ULK4: variants seen among roughly 807,000 people sequenced by gnomAD.
ULK4 encodes the protein unc-51 like kinase 4, also known as inactive serine/threonine-protein kinase ULK4.
In ULK4, 133 loss-of-function variants were observed where a neutral mutation model predicts 160.6. The ratio of observed to expected loss-of-function variants is 0.83; its 90% CI spans 0.72 to 0.96. The LOEUF is 0.96. ULK4 is among the 40% of genes least tolerant of loss of function. The probability of loss-of-function intolerance (pLI) is 0.00; values close to 1 mark genes in which losing one functional copy is unlikely to be tolerated. For synonymous variants in ULK4, 534 were observed against 539.8 expected (o/e 0.99, Z 0.15); for missense variants, 1,580 against 1,499.5 (o/e 1.05, Z -0.89).
chr3:41,940,049 T>C (rs1477026057), intron 2 of ULK4, among the ~76,000 whole-genome samples: 4 of 151,768 alleles, frequency 2.6e-5, no homozygotes, highest in Admixed American at 2.6e-4. Context: ...TTAATAAACA[T>C]AGAAATTGAC....
intron 34 of ULK4, among the ~76,000 whole-genome samples, chr3:41,411,437 T>G (rs1263735789): frequency 1.3e-5 from 2 of 151,620 alleles, no homozygotes; most frequent in Admixed American, 1.3e-4. Flanking sequence ...TTTTTTTTAT[T>G]TTTATTTTGA....
chr3:41,283,036 C>G (rs981948417), intron 35 of ULK4, among the ~76,000 whole-genome samples: 7 of 152,136 alleles, frequency 4.6e-5, no homozygotes, highest in African/African-American at 1.7e-4. Context: ...CCAACAGACA[C>G]ATGAAAAAAT....
intron 17 of ULK4, among the ~76,000 whole-genome samples, chr3:41,856,622 T>C (rs1406167404): frequency 2.4e-5 from 3 of 124,306 alleles, no homozygotes; most frequent in African/African-American, 3.5e-5. Context: ...TATACACATA[T>C]ATATATATGT....
At chr3:41,888,908 A>AC (rs1167855410) in intron 16 of ULK4, among the ~76,000 whole-genome samples, 2 of 152,162 alleles carry the variant, frequency 1.3e-5, no homozygotes, top group African/African-American at 4.8e-5. Context: ...GGCCCCACCT[A>AC]CCCACATACC....
rs80270625 is a variant in ULK4, at chr3:41,391,070, A to G, written c.3678+7009T>C. On this transcript the variant is annotated intron_variant, in intron 35 of 36. Transcript: ENST00000301831. Reference sequence around the variant, plus strand: ...ATGCAATGTTTATCTTTCTGTGCCTAGCTTATTTCATTTAACATATTTATC... The same window carrying G: ...ATGCAATGTTTATCTTTCTGTGCCTGGCTTATTTCATTTAACATATTTATC... Among the ~76,000 whole-genome samples the G allele has an allele frequency of 6.7e-3, 1,016 of 152,128 alleles. 4 individuals are homozygous for G. The highest frequency in any genetic ancestry group is 0.015 in the East Asian group (78 of 5,174).
intron 32 of ULK4, among the ~76,000 whole-genome samples, chr3:41,465,208 T>C (rs1256218540): frequency 6.6e-6 from 1 of 152,232 alleles, no homozygotes; most frequent in Non-Finnish European, 1.5e-5. Flanking sequence ...TCAAAATGCA[T>C]GTTTTTCATG....
chr3:41,841,875 A>G (rs1037002850), intron 17 of ULK4, among the ~76,000 whole-genome samples: 24 of 152,082 alleles, frequency 1.6e-4, no homozygotes, highest in Non-Finnish European at 3.2e-4. Context: ...TGCTGTGTCA[A>G]CTCAGGGTTA....
At chr3:41,746,654 A>G (rs766862102) in intron 22 of ULK4, among the ~76,000 whole-genome samples, 55 of 151,912 alleles carry the variant, frequency 3.6e-4, no homozygotes, top group Non-Finnish European at 6.3e-4. Flanking sequence ...TATATGGAAA[A>G]GCATATAGGT....
At chr3:41,884,252 A>G (rs1697636023) in intron 16 of ULK4, among the ~76,000 whole-genome samples, 1 of 152,232 alleles carries the variant, frequency 6.6e-6, no homozygotes. Flanking sequence ...TAACCAGAGA[A>G]AAGAGCAAAA....
chr3:41,819,281 G>T, intron 19 of ULK4, 142 bp downstream of exon 19: 1 of 658,100 alleles, frequency 1.5e-6, no homozygotes, highest in Non-Finnish European at 2.4e-6. Flanking sequence ...ACTTGCTCAT[G>T]GTAGGTTGTC....
chr3:41,460,854 C>T (rs1291328103), intron 33 of ULK4, among the ~76,000 whole-genome samples: 1 of 152,050 alleles, frequency 6.6e-6, no homozygotes, highest in African/African-American at 2.4e-5. Context: ...AGAGTGGTGA[C>T]CACATCTACT....
At chr3:41,922,963 G>A (rs1699245100) in intron 5 of ULK4, among the ~76,000 whole-genome samples, 2 of 152,016 alleles carry the variant, frequency 1.3e-5, no homozygotes, top group South Asian at 2.1e-4. Flanking sequence ...CCCAAGGTCA[G>A]GAGTTCGAGA....
At chr3:41,547,635 C>G (rs971052556) in intron 32 of ULK4, among the ~76,000 whole-genome samples, 9 of 152,196 alleles carry the variant, frequency 5.9e-5, no homozygotes, top group African/African-American at 2.2e-4. Flanking sequence ...CCCACGCATT[C>G]TCCCAAGACC....
chr3:41,588,484 A>T (rs1035025204), intron 31 of ULK4, among the ~76,000 whole-genome samples: 1 of 152,222 alleles, frequency 6.6e-6, no homozygotes, highest in Admixed American at 6.5e-5. Flanking sequence ...ACTTTTATCT[A>T]TGGGCAAACT....
chr3:41,952,953 G>A (rs1700337380), intron 2 of ULK4, among the ~76,000 whole-genome samples: 2 of 151,974 alleles, frequency 1.3e-5, no homozygotes, highest in African/African-American at 4.8e-5. Flanking sequence ...AAATAAGCCA[G>A]ACAAAAAATG....
chr3:41,255,438 G>A (rs1228252819), intron 35 of ULK4, among the ~76,000 whole-genome samples: 3 of 152,108 alleles, frequency 2.0e-5, no homozygotes. Flanking sequence ...AGCTGAGATC[G>A]TGCCATTGCA....
chr3:41,758,828 G>A (rs1366876711), intron 21 of ULK4, among the ~76,000 whole-genome samples: 2 of 150,740 alleles, frequency 1.3e-5, no homozygotes, highest in African/African-American at 2.4e-5. Context: ...AGCCAAGATC[G>A]CGCCACTGCA....
chr3:41,661,970 G>A (rs949743588), intron 30 of ULK4, among the ~76,000 whole-genome samples: 3 of 152,100 alleles, frequency 2.0e-5, no homozygotes, highest in East Asian at 3.9e-4. Context: ...TCTAGAAAAC[G>A]TGACATGTGG....
intron 21 of ULK4, among the ~76,000 whole-genome samples, chr3:41,765,666 A>C (rs1399685602): frequency 6.6e-6 from 1 of 152,204 alleles, no homozygotes; most frequent in Non-Finnish European, 1.5e-5. Flanking sequence ...TCATTAAATG[A>C]TATCCTTACT....
Sources: gnomAD v4.1 joint callset for allele counts (sites outside exome capture counted in the v4.1 genomes callset) on GRCh38, gnomAD v4.1.1 for gene constraint, MANE v1.5 for transcripts, NCBI Gene and HGNC (gene_info 2026-07-23, HGNC 2026-07-21) for gene names.